Variants in CYTH3 observed in about 807,000 individuals in gnomAD.
CYTH3 encodes the protein cytohesin-3.
Under a neutral mutation model 55.1 loss-of-function variants are expected in CYTH3, and 23 were observed. The observed-to-expected ratio is 0.42, with a 90% CI of 0.30 to 0.59. The LOEUF is 0.59. CYTH3 is among the 20% of genes least tolerant of loss of function. The pLI, the probability that CYTH3 is intolerant of heterozygous loss-of-function variation, is 0.20. For missense variants in CYTH3, 413 were observed against 524.8 expected (o/e 0.79, Z 2.08); for synonymous variants, 249 against 194.9 (o/e 1.28, Z -2.31).
At chr7:6,195,977 A>G (rs1246290934) in intron 1 of CYTH3, among the ~76,000 whole-genome samples, 1 of 152,202 alleles carries the variant, frequency 6.6e-6, no homozygotes, top group Non-Finnish European at 1.5e-5. Context: ...TGGTAGCTCA[A>G]CGATGTCATC....
At chr7:6,194,428 G>A (rs963207948) in intron 1 of CYTH3, among the ~76,000 whole-genome samples, 1 of 152,216 alleles carries the variant, frequency 6.6e-6, no homozygotes, top group Admixed American at 6.5e-5. Context: ...CTGGGTGACA[G>A]AGCGAGACTC....
chr7:6,243,191 G>C (rs1779718227), intron 1 of CYTH3, among the ~76,000 whole-genome samples: 1 of 152,190 alleles, frequency 6.6e-6, no homozygotes, highest in African/African-American at 2.4e-5. Flanking sequence ...GCAAAAATTA[G>C]GGCTTCTCAC....
Position 6,162,617 on chromosome 7 carries a change from AAC to A in CYTH3, c.*2325_*2326del, listed in dbSNP as rs556441575. The A allele has an allele frequency of 6.6e-6, 1 of 152,360 alleles. No individual in the cohort carries two copies. Among genetic ancestry groups the A allele is most frequent in the Non-Finnish European group, 1.5e-5 (1 of 68,044 alleles). The allele number at this position is 152,360 out of a possible 1,614,324, so 9.4% of individuals were successfully genotyped here. On this transcript the variant is annotated 3_prime_UTR_variant, in exon 13 of 13. Transcript: ENST00000350796. ...ACAGCCTTCATGCTAATACTGTCCT[AAC>A]ACAGCCTGGAGCTAGGCGATTTCCT...
chr7:6,244,164 T>G (rs1389312155), intron 1 of CYTH3, among the ~76,000 whole-genome samples: 2 of 152,178 alleles, frequency 1.3e-5, no homozygotes, highest in African/African-American at 4.8e-5. Context: ...TCGGACACTT[T>G]CAGACTTCAC....
chr7:6,235,472 C>CA (rs57661153), intron 1 of CYTH3, among the ~76,000 whole-genome samples: 15,502 of 93,386 alleles, frequency 0.17, 1,060 homozygotes, highest in Non-Finnish European at 0.2. Flanking sequence ...GACTCTATCT[C>CA]AAAAAAAAAA....
intron 1 of CYTH3, among the ~76,000 whole-genome samples, chr7:6,261,689 CAAAAAAAAAAAAA>C (rs71549614): frequency 6.3e-5 from 3 of 47,488 alleles, no homozygotes; most frequent in Non-Finnish European, 1.2e-4. Context: ...GACCCTGTCT[CAAAAAAAAAAAAA>C]AAAAAAAAAA....
At position 6,170,392 on chromosome 7, in the gene CYTH3, G is replaced by C. The variant is rs980537411; in HGVS notation, c.823+143C>G. Reference sequence around the variant, plus strand: ...AGCCGTGGCCATGCAGCTACCGAGAGCGGGCTCTGGCTTAACCGCGTTTCT... The same window carrying C: ...AGCCGTGGCCATGCAGCTACCGAGACCGGGCTCTGGCTTAACCGCGTTTCT... On this transcript the variant is annotated intron_variant, in intron 9 of 12. Transcript: ENST00000350796. This position sits in a 1 kb window ranked among gnomAD's most constrained non-coding sequence, Gnocchi z 7.8. 2 of 743,148 alleles carry C rather than the reference G, an allele frequency of 2.7e-6. No individual in the cohort carries two copies. Among genetic ancestry groups the C allele is most frequent in the Non-Finnish European group, 4.3e-6 (2 of 465,662 alleles). The allele number at this position is 743,148 out of a possible 1,614,324, so 46.0% of individuals were successfully genotyped here.
intron 2 of CYTH3, 107 bp from the exon 3 acceptor site, chr7:6,187,828 G>A: frequency 3.4e-6 from 3 of 878,484 alleles, no homozygotes; most frequent in Non-Finnish European, 5.8e-6. Flanking sequence ...GGTCTCACCG[G>A]AGCATCACAG....
At chr7:6,269,284 A>G (rs942996644) in intron 1 of CYTH3, among the ~76,000 whole-genome samples, 2 of 152,238 alleles carry the variant, frequency 1.3e-5, no homozygotes, top group African/African-American at 2.4e-5. Flanking sequence ...TGCCGTTCAA[A>G]TATTTCAAAC....
At chr7:6,244,233 A>G (rs1048415295) in intron 1 of CYTH3, among the ~76,000 whole-genome samples, 7 of 152,234 alleles carry the variant, frequency 4.6e-5, no homozygotes, top group Non-Finnish European at 1.0e-4. Flanking sequence ...GGGGAAAAAA[A>G]CAGGTTTTCA....
chr7:6,166,911 C>T (rs1470444528), intron 9 of CYTH3, among the ~76,000 whole-genome samples: 1 of 152,184 alleles, frequency 6.6e-6, no homozygotes, highest in Non-Finnish European at 1.5e-5. Context: ...ATCAGTGTCC[C>T]ACCAGCCTAC....
At position 6,167,900 on chromosome 7, in the gene CYTH3, C is replaced by T. The variant is rs1049784472; in HGVS notation, c.824-2090G>A. Among the ~76,000 whole-genome samples the T allele has an allele frequency of 1.3e-5, 2 of 152,264 alleles. No individual in the cohort carries two copies. Among genetic ancestry groups the T allele is most frequent in the African/African-American group, 4.8e-5 (2 of 41,478 alleles). ...AGCTCCACCTTGGGTCCCCCGCTCA[C>T]ACCTCCCATGCAGAGCCCCATCCCT... On this transcript the variant is annotated intron_variant, in intron 9 of 12. Transcript: ENST00000350796. This position sits in a 1 kb window ranked among gnomAD's most constrained non-coding sequence, Gnocchi z 5.5.
In CYTH3 at chr7:6,171,067, C is replaced by T; in HGVS notation, c.563-89G>A. The T allele has an allele frequency of 6.3e-7, 1 of 1,594,118 alleles. No homozygotes were observed. The highest frequency in any genetic ancestry group is 1.1e-5 in the South Asian group (1 of 89,564). ...CTGGGGGCCCGCCTGCAAGAGGTGC[C>T]CGGCCCACAGGTCGTCCTCGCTCAG... On this transcript the variant is annotated intron_variant, in intron 7 of 12. Transcript: ENST00000350796. This position sits in a 1 kb window ranked among gnomAD's most constrained non-coding sequence, Gnocchi z 6.7.
chr7:6,220,690 T>C (rs927207645), intron 1 of CYTH3, among the ~76,000 whole-genome samples: 4 of 151,944 alleles, frequency 2.6e-5, no homozygotes, highest in African/African-American at 9.7e-5. Context: ...AATTTGGCAT[T>C]TTCTTATAAA....
Position 6,170,280 on chromosome 7 carries a change from A to G in CYTH3, c.823+255T>C, listed in dbSNP as rs1481142373. The G allele has an allele frequency of 6.0e-6, 3 of 500,032 alleles. No homozygotes were observed. The highest frequency in any genetic ancestry group is 5.7e-5 in the South Asian group (2 of 34,896). The allele number at this position is 500,032 out of a possible 1,614,324, so 31.0% of individuals were successfully genotyped here. A position where few individuals can be genotyped will look rare whatever the true frequency, so the allele number is the denominator to read the frequency against. ...GCTGCCCTGGCTGGATCTGGATGCT[A>G]ACTCAGCAGTTTTCTGGGACGGGCC... On this transcript the variant is annotated intron_variant, in intron 9 of 12. Coordinates refer to ENST00000350796, the MANE Select transcript of CYTH3 (RefSeq NM_004227.4). The surrounding 1 kb of genome is among the most constrained non-coding windows in gnomAD (Gnocchi z 7.8).
intron 1 of CYTH3, among the ~76,000 whole-genome samples, chr7:6,223,879 AT>A (rs776415451): frequency 6.9e-6 from 1 of 145,880 alleles, no homozygotes; most frequent in East Asian, 2.1e-4. Flanking sequence ...GAGATGCAGT[AT>A]TTATGCCCAG....
intron 1 of CYTH3, among the ~76,000 whole-genome samples, chr7:6,265,726 G>GA (rs1402891778): frequency 6.6e-6 from 1 of 152,124 alleles, no homozygotes; most frequent in East Asian, 1.9e-4. Flanking sequence ...ATAAACCGAG[G>GA]AAAGAGCAAA....
chr7:6,237,255 A>G (rs1345306029), intron 1 of CYTH3, among the ~76,000 whole-genome samples: 1 of 152,228 alleles, frequency 6.6e-6, no homozygotes, highest in African/African-American at 2.4e-5. Context: ...ACACTGCCGC[A>G]GGGAACACAG....
chr7:6,168,705 CTGTT>C (rs1583730414), intron 9 of CYTH3, among the ~76,000 whole-genome samples: 1 of 152,240 alleles, frequency 6.6e-6, no homozygotes, highest in East Asian at 1.9e-4. Flanking sequence ...ATTTCATGGC[CTGTT>C]TATCTGCCCA....
Sources: gnomAD v4.1 joint callset for allele counts (sites outside exome capture counted in the v4.1 genomes callset) on GRCh38, gnomAD v4.1.1 for gene constraint, Gnocchi (gnomAD v3.1) non-coding constraint, MANE v1.5 for transcripts, NCBI Gene and HGNC (gene_info 2026-07-23, HGNC 2026-07-21) for gene names.